Variants in MYO7B observed in about 807,000 individuals in gnomAD.
MYO7B encodes the protein unconventional myosin-VIIb.
In MYO7B, 212 loss-of-function variants were observed where a neutral mutation model predicts 259.7. The ratio of observed to expected loss-of-function variants is 0.82; its 90% confidence interval spans 0.73 to 0.91. The LOEUF is 0.91. Among genes scored for constraint, MYO7B ranks in the 40% least tolerant of loss-of-function variants. The pLI, the probability that MYO7B is intolerant of heterozygous loss-of-function variation, is 0.00. For synonymous variants in MYO7B, 1,197 were observed against 1,166.4 expected (o/e 1.03, Z -0.54); for missense variants, 2,732 against 2,813.5 (o/e 0.97, Z 0.66).
chr2:127,609,464 CTGAA>C lies in MYO7B; in HGVS notation c.2815-41_2815-38del. On this transcript the variant is annotated intron_variant, in intron 22 of 47. Transcript: ENST00000409816. The surrounding 1 kb of genome is among the most constrained non-coding windows in gnomAD (Gnocchi z 6.9). Reference sequence around the variant, plus strand: ...AGTCAGCTGATGGGTTGGTTGTTACCTGAAAGCCCTGCTGACCCGTGTTCTCCCT... The same window carrying C: ...AGTCAGCTGATGGGTTGGTTGTTACCAGCCCTGCTGACCCGTGTTCTCCCT... 2.6e-6 allele frequency: 4 copies of C among 1,565,672 alleles called. No individual in the cohort carries two copies. The South Asian group carries it at 4.7e-5, about 18-fold the overall frequency.
At chr2:127,621,253 AT>A (rs11291906) in intron 27 of MYO7B, among the ~76,000 whole-genome samples, 57,316 of 135,954 alleles carry the variant, frequency 0.42, 14,983 homozygotes, top group African/African-American at 0.73. Flanking sequence ...CTCTTCTGCA[AT>A]TTTTTTTTTT....
chr2:127,622,451 C>A (rs1680887747), intron 28 of MYO7B, among the ~76,000 whole-genome samples: 1 of 152,206 alleles, frequency 6.6e-6, no homozygotes, highest in Non-Finnish European at 1.5e-5. Context: ...TGGTTGGCAT[C>A]CTTGGTGGCA....
At chr2:127,621,249 T>G (rs557038994) in intron 27 of MYO7B, among the ~76,000 whole-genome samples, 1,844 of 145,808 alleles carry the variant, frequency 0.013, 42 homozygotes, top group African/African-American at 0.046. Flanking sequence ...TGGACTCTTC[T>G]GCAATTTTTT....
intron 17 of MYO7B, 140 bp downstream of exon 17, chr2:127,593,086 C>T: frequency 9.1e-7 from 1 of 1,104,036 alleles, no homozygotes; most frequent in Non-Finnish European, 1.3e-6. Flanking sequence ...TCCTTCCTCC[C>T]TCTCTCCTCC....
intron 1 of MYO7B, among the ~76,000 whole-genome samples, chr2:127,551,219 C>A (rs977052463): frequency 6.6e-6 from 1 of 152,200 alleles, no homozygotes; most frequent in Non-Finnish European, 1.5e-5. Flanking sequence ...AGCCATCTGT[C>A]CTCTTGTCAT....
rs1051143641 is a variant in MYO7B, at chr2:127,577,029, C to T, written c.849+321C>T. Among the ~76,000 whole-genome samples, 3 of 152,074 alleles carry T rather than the reference C, an allele frequency of 2.0e-5. No individual in the cohort carries two copies. Among genetic ancestry groups the T allele is most frequent in the African/African-American group, 7.2e-5 (3 of 41,396 alleles). On this transcript the variant is annotated intron_variant, in intron 8 of 47. Transcript: ENST00000409816. The surrounding 1 kb of genome is among the most constrained non-coding windows in gnomAD (Gnocchi z 5.2). ...CCACAGGGAGTTGCCCACATGCCTC[C>T]TGCTCCTGATTTCACTCCAATTGTC... is the stretch of plus-strand genomic sequence containing the variant.
intron 12 of MYO7B, among the ~76,000 whole-genome samples, chr2:127,582,857 A>C (rs1679158960): frequency 6.6e-6 from 1 of 152,264 alleles, no homozygotes; most frequent in African/African-American, 2.4e-5. Context: ...GGTAAGGCAC[A>C]GCAGGACTCC....
Position 127,631,626 on chromosome 2 carries a change from C to T in MYO7B, c.5122C>T (p.Pro1708Ser). 6 of 1,613,212 alleles carry T rather than the reference C, an allele frequency of 3.7e-6. No homozygotes were observed. The highest frequency in any genetic ancestry group is 5.1e-6 in the Non-Finnish European group (6 of 1,179,846). The change falls in exon 38 of 48, where the codon CCT (proline) becomes TCT (serine). Residue 1708 changes from proline (P) to serine (S), a missense_variant. By Grantham distance (74) the Pro-to-Ser change is moderately conservative. Around this residue, in one of 3 missense-constraint regions of MYO7B, gnomAD observed 821 missense variants for 769.3 expected, o/e 1.07. Transcript: ENST00000409816. ...CATCCTCCGGTACATGGGCGACTAC[C>T]CTTCTCGGCAGGCCTGGCCCACCCT... ...VAILRYMGDY[P>S]SRQAWPTLEL...
At chr2:127,578,032 A>G (rs1573645176) in intron 8 of MYO7B, 101 bp from the exon 9 acceptor site, 1 of 1,413,318 alleles carries the variant, frequency 7.1e-7, no homozygotes. Context: ...TACGTGGTCC[A>G]CCCATTGCCT....
In MYO7B at chr2:127,628,440, G is replaced by A. The variant is rs1284443783; in HGVS notation, c.4529G>A (p.Ser1510Asn). ...GAGGAGTACGAGTTTGTGTCACCCA[G>A]CAGTGTGGCCATCGCTGAGCTGGTG... ...MHEEYEFVSP[S>N]SVAIAELVAL... Residue 1510 changes from serine (S) to asparagine (N), a missense_variant, in exon 34 of 48, where the codon AGC becomes AAC. Ser to Asn is a conservative substitution (Grantham distance 46, BLOSUM62 1). Coordinates refer to ENST00000409816, the MANE Select transcript of MYO7B (RefSeq NM_001393586.1). This position sits in a 1 kb window ranked among gnomAD's most constrained non-coding sequence, Gnocchi z 4.8. The A allele has an allele frequency of 1.3e-6, 2 of 1,591,754 alleles. No individual in the cohort carries two copies. Among genetic ancestry groups the A allele is most frequent in the East Asian group, 2.3e-5 (1 of 44,204 alleles).
Position 127,629,786 on chromosome 2 carries a change from A to G in MYO7B, c.4766A>G (p.Tyr1589Cys). ...GGGCTGGTGCCCATGGCCTGCCTCT[A>G]CACCATCCCCACGGTCACTAAGCCC... ...KTGLVPMACL[Y>C]TIPTVTKPSA... The change falls in exon 35 of 48, where the codon TAC (tyrosine) becomes TGC (cysteine). Residue 1589 changes from tyrosine to cysteine, a missense_variant. By Grantham distance (194) the Tyr-to-Cys change is radical. This residue lies in a region of MYO7B where 821 missense variants were observed against 769.3 expected (regional missense o/e 1.07). Coordinates refer to ENST00000409816, the MANE Select transcript of MYO7B (RefSeq NM_001393586.1). The G allele has an allele frequency of 1.3e-6, 2 of 1,597,418 alleles. No homozygotes were observed. Among genetic ancestry groups the G allele is most frequent in the Non-Finnish European group, 1.7e-6 (2 of 1,170,974 alleles).
chr2:127,616,516 G>T (rs889418622), intron 26 of MYO7B, among the ~76,000 whole-genome samples: 2 of 152,156 alleles, frequency 1.3e-5, no homozygotes, highest in Admixed American at 1.3e-4. Context: ...TTCACAATCC[G>T]AATCAACAAC....
At position 127,628,046 on chromosome 2, in the gene MYO7B, A is replaced by G; in HGVS notation, c.4461-326A>G. 1 of 537,810 alleles carries G rather than the reference A, an allele frequency of 1.9e-6. No homozygotes were observed. Among genetic ancestry groups the G allele is most frequent in the Non-Finnish European group, 3.6e-6 (1 of 280,110 alleles). The allele number at this position is 537,810 out of a possible 1,614,324, so 33.3% of individuals were successfully genotyped here. ...CGCCGAGGTTAGGTGGCTCAGAGTA[A>G]GCACATGGCAGAGCCGGCAGCTCAT... On this transcript the variant is annotated intron_variant, in intron 33 of 47. Transcript: ENST00000409816. The surrounding 1 kb of genome is among the most constrained non-coding windows in gnomAD (Gnocchi z 4.8).
chr2:127,634,482 C>G (rs990037741), intron 41 of MYO7B, 114 bp from the exon 42 acceptor site: 1 of 993,028 alleles, frequency 1.0e-6, no homozygotes, highest in Admixed American at 2.1e-5. Flanking sequence ...CACGCACAGC[C>G]GACTCCAGCG....
intron 26 of MYO7B, among the ~76,000 whole-genome samples, chr2:127,618,402 A>C (rs1010156271): frequency 6.6e-6 from 1 of 152,202 alleles, no homozygotes; most frequent in African/African-American, 2.4e-5. Context: ...ATTGGGTAGA[A>C]TAAGCAGGGA....
intron 1 of MYO7B, among the ~76,000 whole-genome samples, chr2:127,555,869 C>T (rs1427735164): frequency 6.6e-6 from 1 of 152,144 alleles, no homozygotes; most frequent in African/African-American, 2.4e-5. Flanking sequence ...AATGTACATT[C>T]TGTGGTTGTG....
intron 11 of MYO7B, 66 bp downstream of exon 11, chr2:127,582,076 C>T: frequency 6.2e-7 from 1 of 1,605,478 alleles, no homozygotes; most frequent in Admixed American, 1.7e-5. Context: ...TCTTGCTGTG[C>T]CGGTGGAGGG....
chr2:127,564,126 C>T (rs765825333), intron 2 of MYO7B, 27 bp from the exon 3 acceptor site: 28 of 1,462,612 alleles, frequency 1.9e-5, no homozygotes, highest in Non-Finnish European at 2.3e-5. Context: ...GCGGGGATCA[C>T]ACCACTGTCT....
At position 127,612,326 on chromosome 2, in the gene MYO7B, A is replaced by G. The variant is rs963841758; in HGVS notation, c.3269A>G (p.Gln1090Arg). The G allele has an allele frequency of 2.7e-6, 3 of 1,107,162 alleles. No individual in the cohort carries two copies. Among genetic ancestry groups the G allele is most frequent in the Non-Finnish European group, 2.6e-6 (2 of 756,726 alleles). 68.6% of individuals were successfully genotyped at this position (1,107,162 alleles called of 1,614,324 possible). A position where few individuals can be genotyped will look rare whatever the true frequency, so the allele number is the denominator to read the frequency against. ...KLKRSSRITG[Q>R]VASQLNIGEE... ...AAGCGGTCCTCCCGGATCACAGGCCAGGTGAGCCCAGAGCACAGAATCTCT... is the reference window on the plus strand; with the variant it reads ...AAGCGGTCCTCCCGGATCACAGGCCGGGTGAGCCCAGAGCACAGAATCTCT... Residue 1090 changes from glutamine to arginine, a missense_variant and splice_region_variant, in exon 25 of 48, where the codon CAG becomes CGG. Gln to Arg is a conservative substitution (Grantham distance 43). This residue lies in a region of MYO7B where 1,906 missense variants were observed against 2,026.4 expected (regional missense o/e 0.94). Coordinates refer to ENST00000409816, the MANE Select transcript of MYO7B (RefSeq NM_001393586.1).
Sources: gnomAD v4.1 joint callset for allele counts (sites outside exome capture counted in the v4.1 genomes callset) on GRCh38, gnomAD v4.1.1 for gene constraint, gnomAD v4.1.1 regional missense constraint, Gnocchi (gnomAD v3.1) non-coding constraint, MANE v1.5 for transcripts, NCBI Gene and HGNC (gene_info 2026-07-23, HGNC 2026-07-21) for gene names.